The following IL1RAPL1 variants were observed in gnomAD, a reference collection of about 807,000 sequenced individuals.
IL1RAPL1 encodes the protein interleukin 1 receptor accessory protein like 1, also known as interleukin-1 receptor accessory protein-like 1.
Under a neutral mutation model 48.4 loss-of-function variants are expected in IL1RAPL1, and 3 were observed. The ratio of observed to expected loss-of-function variants is 0.06; its 90% CI spans 0.03 to 0.16. The LOEUF (loss-of-function observed/expected upper bound fraction) is 0.16, where lower values mean the gene tolerates loss of function less well. Among genes scored for constraint, IL1RAPL1 ranks in the 10% least tolerant of loss-of-function variants. The pLI, the probability that IL1RAPL1 is intolerant of heterozygous loss-of-function variation, is 1.00. For synonymous variants in IL1RAPL1, 185 were observed against 187.7 expected (o/e 0.99, Z 0.12); for missense variants, 349 against 530.6 (o/e 0.66, Z 3.36).
chrX:29,178,599 A>G (rs1052304758), intron 2 of IL1RAPL1, among the ~76,000 whole-genome samples: 6 of 111,611 alleles, frequency 5.4e-5, no homozygotes, highest in Admixed American at 4.8e-4. Context: ...CTTTAGTTTA[A>G]TTAGATCCCA....
intron 2 of IL1RAPL1, among the ~76,000 whole-genome samples, chrX:29,110,534 G>A (rs753256523): frequency 9.0e-6 from 1 of 111,689 alleles, no homozygotes; most frequent in Non-Finnish European, 1.9e-5. Context: ...GTATTGTAAG[G>A]TGGTTTCGAG....
chrX:28,748,316 G>GT (rs1319559775), intron 1 of IL1RAPL1, among the ~76,000 whole-genome samples: 1 of 111,885 alleles, frequency 8.9e-6, no homozygotes, highest in Non-Finnish European at 1.9e-5. Context: ...AAAAAATAGA[G>GT]TAAGTGGATG....
chrX:28,764,987 G>C (rs1451743090), intron 1 of IL1RAPL1, among the ~76,000 whole-genome samples: 1 of 110,717 alleles, frequency 9.0e-6, no homozygotes, highest in South Asian at 3.9e-4. Flanking sequence ...AAAAGGATGA[G>C]TTCATGTCCT....
chrX:29,168,689 G>GTACAATTGTATATATATATTCATATA (rs1929841979), intron 2 of IL1RAPL1, among the ~76,000 whole-genome samples: 1 of 29,807 alleles, frequency 3.4e-5, no homozygotes, highest in Non-Finnish European at 8.6e-5. Context: ...ATATTCATAT[G>GTACAATTGTATATATATATTCATATA]TACAATTGTA....
chrX:29,678,862 C>T (rs1370094811), intron 6 of IL1RAPL1, among the ~76,000 whole-genome samples: 1 of 110,387 alleles, frequency 9.1e-6, no homozygotes, highest in African/African-American at 3.3e-5. Context: ...CCTCCCACCG[C>T]TAGATCTGGT....
intron 5 of IL1RAPL1, among the ~76,000 whole-genome samples, chrX:29,650,968 G>A (rs1925499840): frequency 9.0e-6 from 1 of 110,670 alleles, no homozygotes; most frequent in Admixed American, 9.6e-5. Flanking sequence ...GCAATAGACA[G>A]GTATAGACAT....
At chrX:28,899,242 G>T (rs781448222) in intron 2 of IL1RAPL1, among the ~76,000 whole-genome samples, 1 of 111,178 alleles carries the variant, frequency 9.0e-6, no homozygotes. Flanking sequence ...ACCTCTACCC[G>T]GTCTCTCCTT....
chrX:28,793,905 A>G (rs746085097), intron 2 of IL1RAPL1, among the ~76,000 whole-genome samples: 2 of 111,234 alleles, frequency 1.8e-5, no homozygotes, highest in Admixed American at 1.9e-4. Flanking sequence ...TATAATCTCT[A>G]CAGTGCCAAA....
intron 2 of IL1RAPL1, among the ~76,000 whole-genome samples, chrX:28,909,943 C>T (rs1428673892): frequency 8.9e-6 from 1 of 111,770 alleles, no homozygotes; most frequent in African/African-American, 3.2e-5. Context: ...TGTGCAACAG[C>T]ATTTTAAAAT....
At chrX:28,879,643 A>G (rs1922458202) in intron 2 of IL1RAPL1, among the ~76,000 whole-genome samples, 1 of 112,018 alleles carries the variant, frequency 8.9e-6, no homozygotes, top group Admixed American at 9.5e-5. Context: ...TATGTCAAAT[A>G]TAGTACAGTC....
intron 1 of IL1RAPL1, among the ~76,000 whole-genome samples, chrX:28,682,411 C>T (rs1315690456): frequency 1.8e-5 from 2 of 110,915 alleles, no homozygotes; most frequent in Non-Finnish European, 3.8e-5. Context: ...CGGGTTCAAG[C>T]GATTCTTCTG....
At chrX:28,824,019 G>A (rs1265022804) in intron 2 of IL1RAPL1, among the ~76,000 whole-genome samples, 1 of 111,369 alleles carries the variant, frequency 9.0e-6, no homozygotes, top group African/African-American at 3.3e-5. Context: ...AATCTTACTG[G>A]TACCCTCTGC....
intron 2 of IL1RAPL1, among the ~76,000 whole-genome samples, chrX:28,873,700 T>A (rs1440153476): frequency 1.9e-5 from 2 of 107,066 alleles, no homozygotes; most frequent in African/African-American, 6.8e-5. Flanking sequence ...GCCGGCTAAT[T>A]TTTTGTATTT....
chrX:29,097,429 T>C (rs781311633), intron 2 of IL1RAPL1, among the ~76,000 whole-genome samples: 2 of 112,106 alleles, frequency 1.8e-5, no homozygotes, highest in Non-Finnish European at 3.8e-5. Flanking sequence ...CTTAAAAGCA[T>C]ACACGAGACA....
intron 5 of IL1RAPL1, among the ~76,000 whole-genome samples, chrX:29,585,794 C>G (rs758246885): frequency 5.3e-4 from 59 of 112,044 alleles, no homozygotes; most frequent in Non-Finnish European, 9.2e-4. Flanking sequence ...TCTCACATAC[C>G]TGTTGGCCAT....
chrX:29,022,874 G>A (rs930739846), intron 2 of IL1RAPL1, among the ~76,000 whole-genome samples: 1 of 111,833 alleles, frequency 8.9e-6, no homozygotes. Context: ...AACAACTATT[G>A]ATTTTAATGT....
intron 6 of IL1RAPL1, among the ~76,000 whole-genome samples, chrX:29,727,392 G>A (rs1006913573): frequency 2.7e-5 from 3 of 112,013 alleles, no homozygotes; most frequent in African/African-American, 9.7e-5. Context: ...TTTATTAAAT[G>A]TGGAGGGAAA....
At chrX:29,846,984 T>A (rs1204968870) in intron 6 of IL1RAPL1, among the ~76,000 whole-genome samples, 8 of 110,905 alleles carry the variant, frequency 7.2e-5, no homozygotes, top group Non-Finnish European at 1.5e-4. Flanking sequence ...ATTAAAATGT[T>A]CTAAATGACA....
intron 6 of IL1RAPL1, among the ~76,000 whole-genome samples, chrX:29,824,295 T>C (rs986471687): frequency 2.7e-5 from 3 of 111,547 alleles, no homozygotes; most frequent in Non-Finnish European, 5.6e-5. Flanking sequence ...ATGAATAAAG[T>C]CAAACAATGT....
Sources: allele counts gnomAD v4.1 joint callset (sites outside exome capture counted in the v4.1 genomes callset), GRCh38; gene constraint gnomAD v4.1.1; transcripts MANE v1.5; gene names NCBI Gene and HGNC (gene_info 2026-07-23, HGNC 2026-07-21).